R3HCC1L: variants seen among roughly 807,000 people sequenced by gnomAD.
The protein encoded by R3HCC1L is R3H domain and coiled-coil containing 1 like.
R3HCC1L carries 51 observed loss-of-function variants against 59.9 expected under a neutral mutation model. The ratio of observed to expected loss-of-function variants is 0.85; its 90% CI spans 0.68 to 1.07. R3HCC1L has a LOEUF of 1.07. Among genes scored for constraint, R3HCC1L ranks in the 50% least tolerant of loss-of-function variants. R3HCC1L has a pLI of 0.00. For missense variants in R3HCC1L, 965 were observed against 933.0 expected (o/e 1.03, Z -0.45); for synonymous variants, 322 against 315.2 (o/e 1.02, Z -0.23).
intron 5 of R3HCC1L, among the ~76,000 whole-genome samples, chr10:98,227,215 T>G (rs1228121496): frequency 2.0e-5 from 3 of 152,244 alleles, no homozygotes; most frequent in East Asian, 1.9e-4. Flanking sequence ...GTCCATGCAC[T>G]TATCTATGAA....
chr10:98,139,773 A>T (rs577405780), intron 1 of R3HCC1L, among the ~76,000 whole-genome samples: 1 of 152,200 alleles, frequency 6.6e-6, no homozygotes, highest in African/African-American at 2.4e-5. Flanking sequence ...TCACTGTCTC[A>T]TGCTAGCCTT....
chr10:98,196,651 A>G (rs373070783), intron 4 of R3HCC1L, among the ~76,000 whole-genome samples: 1 of 152,244 alleles, frequency 6.6e-6, no homozygotes, highest in African/African-American at 2.4e-5. Context: ...CTTTGCTTTC[A>G]GATTCTATGA....
At chr10:98,231,425 G>A in intron 5 of R3HCC1L, 87 bp from the exon 6 acceptor site, 6 of 1,232,364 alleles carry the variant, frequency 4.9e-6, no homozygotes, top group South Asian at 1.4e-5. Context: ...TGTAGAGAAA[G>A]GGAGGAGGAT....
chr10:98,236,414 T>C (rs1856968592), intron 9 of R3HCC1L, among the ~76,000 whole-genome samples: 1 of 152,200 alleles, frequency 6.6e-6, no homozygotes, highest in Non-Finnish European at 1.5e-5. Flanking sequence ...TTTGGTCTTC[T>C]CAGCTCATCC....
intron 4 of R3HCC1L, among the ~76,000 whole-genome samples, chr10:98,193,861 G>A (rs1221625554): frequency 6.6e-6 from 1 of 152,096 alleles, no homozygotes; most frequent in Non-Finnish European, 1.5e-5. Flanking sequence ...AAATATTGAT[G>A]CAATACTGTT....
intron 5 of R3HCC1L, among the ~76,000 whole-genome samples, chr10:98,223,651 T>A (rs994810540): frequency 1.6e-4 from 25 of 152,100 alleles, no homozygotes; most frequent in Non-Finnish European, 2.8e-4. Context: ...ATCAGTTATT[T>A]GTGTCTGTGA....
intron 5 of R3HCC1L, among the ~76,000 whole-genome samples, chr10:98,224,780 C>T (rs1458688794): frequency 1.3e-5 from 2 of 152,172 alleles, no homozygotes; most frequent in Non-Finnish European, 2.9e-5. Context: ...TGTTTTTGCT[C>T]TATCAGACAT....
rs758583644 is a variant in R3HCC1L at position 98,208,324 on chromosome 10, A to G, written c.210A>G (p.Arg70=). 5.6e-6 allele frequency: 9 copies of G among 1,614,200 alleles called. No individual in the cohort carries two copies. The highest frequency in any genetic ancestry group is 6.8e-6 in the Non-Finnish European group (8 of 1,180,034). ...TTAAAGACAAACCGGAGGCTCGAAGACTAAATATCAATCCTGATAGAAAGG... is the reference window on the plus strand; with the variant it reads ...TTAAAGACAAACCGGAGGCTCGAAGGCTAAATATCAATCCTGATAGAAAGG... The part of the protein sequence containing the change: ...EVFKDKPEAR[R]LNINPDRKEH... Residue 70 remains arginine (R), a synonymous_variant, in exon 5 of 10, where the codon AGA becomes AGG. Coordinates refer to ENST00000298999, the MANE Select transcript of R3HCC1L (RefSeq NM_001351015.2).
chr10:98,135,300 G>T (rs889593962), intron 1 of R3HCC1L, among the ~76,000 whole-genome samples: 3 of 152,242 alleles, frequency 2.0e-5, no homozygotes, highest in African/African-American at 7.2e-5. Flanking sequence ...AGGATTTGGA[G>T]TCTGATATCC....
chr10:98,171,134 C>G (rs988639520), intron 4 of R3HCC1L, among the ~76,000 whole-genome samples: 1 of 152,194 alleles, frequency 6.6e-6, no homozygotes, highest in Non-Finnish European at 1.5e-5. Context: ...AACAGAATGT[C>G]TGAGAAATAT....
At chr10:98,211,436 G>T (rs749384022) in intron 5 of R3HCC1L, 31 of 1,392,988 alleles carry the variant, frequency 2.2e-5, no homozygotes, top group Non-Finnish European at 2.8e-5. Flanking sequence ...TTCAGTAGAG[G>T]TTTGAGATCC....
At chr10:98,139,156 T>G (rs972405660) in intron 1 of R3HCC1L, among the ~76,000 whole-genome samples, 1 of 152,116 alleles carries the variant, frequency 6.6e-6, no homozygotes, top group African/African-American at 2.4e-5. Context: ...CCTCATTAGC[T>G]CCATAAGCTA....
intron 1 of R3HCC1L, among the ~76,000 whole-genome samples, chr10:98,136,691 A>G (rs1029297362): frequency 1.4e-4 from 22 of 152,180 alleles, no homozygotes; most frequent in Admixed American, 1.1e-3. Flanking sequence ...CAAAAAATTA[A>G]CCAGGTGTAG....
intron 9 of R3HCC1L, among the ~76,000 whole-genome samples, chr10:98,241,103 T>C (rs902115651): frequency 5.3e-5 from 8 of 152,182 alleles, no homozygotes; most frequent in African/African-American, 1.9e-4. Context: ...AAACTTAAAA[T>C]CTAAAACTTT....
chr10:98,243,752 C>T (rs1857786448), intron 9 of R3HCC1L, among the ~76,000 whole-genome samples: 1 of 152,066 alleles, frequency 6.6e-6, no homozygotes, highest in Non-Finnish European at 1.5e-5. Context: ...GAATAATGGG[C>T]AATTGTGTTG....
At chr10:98,185,716 C>T (rs540928668) in intron 4 of R3HCC1L, among the ~76,000 whole-genome samples, 25 of 152,262 alleles carry the variant, frequency 1.6e-4, no homozygotes, top group Admixed American at 1.4e-3. Context: ...AAAGAAGAGT[C>T]TTCTAAGCCA....
At chr10:98,172,953 T>G (rs1174860885) in intron 4 of R3HCC1L, among the ~76,000 whole-genome samples, 1 of 152,228 alleles carries the variant, frequency 6.6e-6, no homozygotes, top group African/African-American at 2.4e-5. Flanking sequence ...CTCTGGGTAC[T>G]TACAGTAATT....
At chr10:98,222,641 G>T (rs1193162366) in intron 5 of R3HCC1L, among the ~76,000 whole-genome samples, 1 of 152,026 alleles carries the variant, frequency 6.6e-6, no homozygotes, top group Non-Finnish European at 1.5e-5. Context: ...AGATAATCAT[G>T]TGGTTTTTGT....
intron 4 of R3HCC1L, among the ~76,000 whole-genome samples, chr10:98,199,050 AT>A (rs71007381): frequency 2.6e-5 from 4 of 151,860 alleles, no homozygotes; most frequent in Non-Finnish European, 5.9e-5. Context: ...GACATTTTGC[AT>A]TTTTTTGTAT....
Sources: allele counts gnomAD v4.1 joint callset (sites outside exome capture counted in the v4.1 genomes callset), GRCh38; gene constraint gnomAD v4.1.1; transcripts MANE v1.5; gene names NCBI Gene and HGNC (gene_info 2026-07-23, HGNC 2026-07-21).